The following CEP63 variants were observed in gnomAD, a reference collection of about 807,000 sequenced individuals.
CEP63 encodes the protein centrosomal protein 63, also known as centrosomal protein of 63 kDa.
A neutral mutation model predicts 89.1 loss-of-function variants in CEP63; 84 were observed. The ratio of observed to expected loss-of-function variants is 0.94; its 90% CI spans 0.79 to 1.13. The LOEUF is 1.13. Ranked by LOEUF, CEP63 falls within the 50% of genes most tolerant of loss-of-function variation. CEP63 has a pLI of 0.00. For missense variants in CEP63, 838 were observed against 813.3 expected, an observed-to-expected ratio of 1.03 and a Z score of -0.37; for synonymous variants, 267 against 272.5, an observed-to-expected ratio of 0.98 and a Z score of 0.20.
chr3:134,701,329 TACAC>T, the CEP63 span, among the ~76,000 whole-genome samples: 168 of 54,710 alleles, frequency 3.1e-3, no homozygotes, highest in African/African-American at 0.013. Flanking sequence ...TATATACATA[TACAC>T]ACACATATAC....
At position 134,559,410 on chromosome 3, in the gene CEP63, A is replaced by T. The variant is rs1465528642; in HGVS notation, c.1934A>T (p.Gln645Leu). 1.1e-5 allele frequency: 18 copies of T among 1,613,758 alleles called. No homozygotes were observed. The highest frequency in any genetic ancestry group is 1.4e-5 in the Non-Finnish European group (17 of 1,179,764). Residue 645 changes from glutamine to leucine, a missense_variant, in exon 14 of 15, where the codon CAA becomes CTA. Gln to Leu is a moderately radical substitution (Grantham distance 113, BLOSUM62 -2). Coordinates refer to ENST00000675561, the MANE Select transcript of CEP63 (RefSeq NM_001353108.3). ...ACTATGTCTGAGAGTATGAATGACC[A>T]AGAAGAGTTTATATCTTCGGTATGG... ...SDTMSESMNDQEEFISSCSLP... is the reference protein window; with the variant it reads ...SDTMSESMNDLEEFISSCSLP...
the CEP63 span, among the ~76,000 whole-genome samples, chr3:134,701,162 T>TATAC: frequency 1.5e-4 from 22 of 150,520 alleles, no homozygotes; most frequent in East Asian, 3.9e-4. Context: ...ACATACATTA[T>TATAC]ATACATACAT....
chr3:134,751,719 C>T, the CEP63 span, among the ~76,000 whole-genome samples: 1 of 152,130 alleles, frequency 6.6e-6, no homozygotes, highest in Admixed American at 6.5e-5. Context: ...AAGGTCTGGG[C>T]TAGAGACCGA....
chr3:134,661,805 G>A, the CEP63 span, among the ~76,000 whole-genome samples: 12 of 113,838 alleles, frequency 1.1e-4, no homozygotes, highest in Admixed American at 2.2e-4. Context: ...ATGAATATTT[G>A]TGCCCCCCCC....
At chr3:134,737,459 G>GA in the CEP63 span, among the ~76,000 whole-genome samples, 6 of 151,422 alleles carry the variant, frequency 4.0e-5, no homozygotes, top group Admixed American at 3.3e-4. Flanking sequence ...CATAATCCAA[G>GA]AAAAAAAAGA....
At chr3:134,731,582 A>G in the CEP63 span, among the ~76,000 whole-genome samples, 1 of 152,222 alleles carries the variant, frequency 6.6e-6, no homozygotes, top group Non-Finnish European at 1.5e-5. Context: ...GGTCTGAAAA[A>G]TAATGGCAGC....
downstream of CEP63, among the ~76,000 whole-genome samples, chr3:134,577,850 C>T (rs1269020702): frequency 6.6e-6 from 1 of 152,128 alleles, no homozygotes; most frequent in Admixed American, 6.5e-5. Flanking sequence ...TCAACTCCCA[C>T]ATATGAGTGA....
chr3:134,744,829 T>C, the CEP63 span, among the ~76,000 whole-genome samples: 16 of 152,314 alleles, frequency 1.1e-4, no homozygotes, highest in African/African-American at 3.4e-4. Context: ...ACTTATATAC[T>C]CTTTAACAAG....
At position 134,586,032 on chromosome 3, in the gene CEP63, T is replaced by C. The variant is rs1958477284; in HGVS notation, c.1207-1426T>C. 8.8e-5 allele frequency among the ~76,000 whole-genome samples: 6 copies of C among 68,260 alleles called. No homozygotes were observed. In the South Asian group the frequency reaches 2.7e-3, roughly 30 times the overall value. The allele number at this position is 68,260 out of a possible 152,430, so 44.8% of individuals were successfully genotyped here. A position where few individuals can be genotyped will look rare whatever the true frequency, so the allele number is the denominator to read the frequency against. On this transcript the variant is annotated intron_variant, in intron 10 of 10. Coordinates refer to the CEP63 transcript ENST00000683931. ...TAGGATTGCAACTCCTGCTTTTTTT[T>C]GCTTTCTATTTGCTTAGTAGATCTT... is the stretch of plus-strand genomic sequence containing the variant.
the CEP63 span, chr3:134,608,033 T>G: frequency 4.8e-6 from 5 of 1,051,212 alleles, no homozygotes; most frequent in South Asian, 1.7e-4. Context: ...AGTGGCCACC[T>G]CCCTAAGGAA....
At chr3:134,730,599 A>G in the CEP63 span, among the ~76,000 whole-genome samples, 1 of 152,212 alleles carries the variant, frequency 6.6e-6, no homozygotes, top group Non-Finnish European at 1.5e-5. Flanking sequence ...AGAAAATACT[A>G]AAGTGCAATT....
At chr3:134,555,505 A>G (rs1955955946) in intron 12 of CEP63, among the ~76,000 whole-genome samples, 1 of 150,926 alleles carries the variant, frequency 6.6e-6, no homozygotes, top group Non-Finnish European at 1.5e-5. Flanking sequence ...CCAAATCATG[A>G]GTGAACTCCC....
intron 1 of CEP63, 183 bp downstream of exon 1, chr3:134,486,385 C>T (rs1863912): frequency 0.67 from 662,806 of 984,950 alleles, 223,628 homozygotes; most frequent in East Asian, 0.82. Context: ...CCACCAGGCG[C>T]GTCCCCGCCG....
Position 134,532,717 on chromosome 3 carries a change from G to A in CEP63, c.319-61G>A, listed in dbSNP as rs187416815. 6.7e-4 allele frequency: 942 copies of A among 1,405,076 alleles called. 4 individuals carry two copies. Among genetic ancestry groups the A allele is most frequent in the Non-Finnish European group, 7.2e-4 (723 of 1,002,686 alleles). The allele number at this position is 1,405,076 out of a possible 1,614,324, so 87.0% of individuals were successfully genotyped here. A position where few individuals can be genotyped will look rare whatever the true frequency, so the allele number is the denominator to read the frequency against. On this transcript the variant is annotated intron_variant, in intron 4 of 14. Coordinates refer to ENST00000675561, the MANE Select transcript of CEP63 (RefSeq NM_001353108.3). Reference sequence around the variant, plus strand: ...GCTCTTGTTTTCATAATACCAATTTGTCTCACCACTACTTCTTACAAATTC... The same window carrying A: ...GCTCTTGTTTTCATAATACCAATTTATCTCACCACTACTTCTTACAAATTC...
the CEP63 span, among the ~76,000 whole-genome samples, chr3:134,692,965 A>G: frequency 6.6e-6 from 1 of 152,044 alleles, no homozygotes; most frequent in Admixed American, 6.5e-5. Flanking sequence ...TCCATTTTCC[A>G]TACCCTTCAA....
chr3:134,675,705 A>G, the CEP63 span, among the ~76,000 whole-genome samples: 1 of 152,220 alleles, frequency 6.6e-6, no homozygotes, highest in African/African-American at 2.4e-5. Flanking sequence ...ATCTGATTAA[A>G]TAATGGCCAA....
chr3:134,782,215 G>A, the CEP63 span, among the ~76,000 whole-genome samples: 3 of 152,160 alleles, frequency 2.0e-5, no homozygotes, highest in Admixed American at 2.0e-4. Context: ...TCAATCCTGG[G>A]ACAAGGATTA....
At chr3:134,527,932 G>C (rs192453685) in intron 3 of CEP63, among the ~76,000 whole-genome samples, 67 of 152,250 alleles carry the variant, frequency 4.4e-4, no homozygotes, top group African/African-American at 1.6e-3. Flanking sequence ...AAGCCTAAGG[G>C]GATGGCTATC....
downstream of CEP63, among the ~76,000 whole-genome samples, chr3:134,567,046 A>G (rs536182844): frequency 2.6e-4 from 40 of 152,344 alleles, no homozygotes; most frequent in Admixed American, 3.9e-4. Context: ...GAATAAACAA[A>G]ATGTATATCC....
Sources: gnomAD v4.1 joint callset for allele counts (sites outside exome capture counted in the v4.1 genomes callset) on GRCh38, gnomAD v4.1.1 for gene constraint, MANE v1.5 for transcripts, NCBI Gene and HGNC (gene_info 2026-07-23, HGNC 2026-07-21) for gene names.